The following ADAMTS20 variants were observed in gnomAD, a reference collection of about 807,000 sequenced individuals.
ADAMTS20 encodes ADAM metallopeptidase with thrombospondin type 1 motif 20.
In ADAMTS20, 225 loss-of-function variants were observed where a neutral mutation model predicts 260.1. The observed-to-expected ratio is 0.87, with a 90% confidence interval of 0.78 to 0.97. ADAMTS20 has a LOEUF of 0.97. Among genes scored for constraint, ADAMTS20 ranks in the 50% least tolerant of loss-of-function variants. The pLI is 0.00. For missense variants in ADAMTS20, 2,400 were observed against 2,337.7 expected (o/e 1.03, Z -0.55); for synonymous variants, 802 against 769.5 (o/e 1.04, Z -0.70).
chr12:43,407,254 T>C (rs1940936422), intron 28 of ADAMTS20, among the ~76,000 whole-genome samples: 1 of 151,882 alleles, frequency 6.6e-6, no homozygotes, highest in Non-Finnish European at 1.5e-5. Flanking sequence ...TATTTGACTC[T>C]CAACTTAAAG....
chr12:43,532,564 T>TTTTTTA lies in ADAMTS20; in HGVS notation c.454-370_454-369insTAAAAA, dbSNP rs1943239694. 2.0e-5 allele frequency among the ~76,000 whole-genome samples: 3 copies of TTTTTTA among 148,976 alleles called. No homozygotes were observed. In the South Asian group the frequency reaches 6.5e-4, roughly 32 times the overall value. Reference sequence around the variant, plus strand: ...ACTTTTTTTTTTTAATGTTTTTTTTTTTATTATACTCTAAGTTTTAGGGTA... The same window carrying TTTTTTA: ...ACTTTTTTTTTTTAATGTTTTTTTTTTTTTTATTATTATACTCTAAGTTTTAGGGTA... On this transcript the variant is annotated intron_variant, in intron 2 of 38. Transcript: ENST00000389420.
In ADAMTS20 at chr12:43,551,243, TAGG is replaced by T; in HGVS notation, c.116_118del (p.Ser39del). 6.2e-7 allele frequency: 1 copy of T among 1,613,630 alleles called. No homozygotes were observed. The highest frequency in any genetic ancestry group is 8.5e-7 in the Non-Finnish European group (1 of 1,179,784). Reference sequence around the variant, plus strand: ...GACCCGCTCGGGGATCACTACTTCGTAGGAGGTCAGTGTCCTCACCAGGGCTTC... The same window carrying T: ...GACCCGCTCGGGGATCACTACTTCGTAGGTCAGTGTCCTCACCAGGGCTTC... On this transcript the variant is annotated inframe_deletion, in exon 2 of 39. Transcript: ENST00000389420. The surrounding 1 kb of genome is among the most constrained non-coding windows in gnomAD (Gnocchi z 4.6).
intron 15 of ADAMTS20, among the ~76,000 whole-genome samples, chr12:43,445,046 TTTTACTATTTATATC>T (rs1365082586): frequency 2.0e-5 from 3 of 152,194 alleles, no homozygotes; most frequent in Admixed American, 2.0e-4. Context: ...TACCCACTAC[TTTTACTATTTATATC>T]TTTACTATTT....
At chr12:43,523,266 A>G (rs1004455922) in intron 3 of ADAMTS20, among the ~76,000 whole-genome samples, 1 of 152,164 alleles carries the variant, frequency 6.6e-6, no homozygotes, top group East Asian at 1.9e-4. Context: ...TAGGAGAGGG[A>G]GTGGTAAGAG....
chr12:43,421,282 C>A (rs74080906), intron 28 of ADAMTS20, among the ~76,000 whole-genome samples: 2,257 of 118,182 alleles, frequency 0.019, 60 homozygotes, highest in African/African-American at 0.048. Flanking sequence ...CTTTCATTTA[C>A]AAAAAAAAAA....
intron 3 of ADAMTS20, among the ~76,000 whole-genome samples, chr12:43,522,362 G>A (rs893981867): frequency 1.3e-5 from 2 of 152,202 alleles, no homozygotes; most frequent in Non-Finnish European, 2.9e-5. Context: ...TAGGGATTAT[G>A]GGGATTACAG....
At chr12:43,414,662 A>G (rs533992056) in intron 28 of ADAMTS20, among the ~76,000 whole-genome samples, 2 of 152,228 alleles carry the variant, frequency 1.3e-5, no homozygotes, top group East Asian at 3.9e-4. Flanking sequence ...AGAATTGCTA[A>G]AATTTAAGAG....
intron 7 of ADAMTS20, among the ~76,000 whole-genome samples, chr12:43,474,246 G>A (rs1942313358): frequency 7.3e-6 from 1 of 136,796 alleles, no homozygotes; most frequent in African/African-American, 2.7e-5. Flanking sequence ...TAGAAGAAAT[G>A]GATACATTCC....
At chr12:43,491,043 A>G (rs564171862) in intron 6 of ADAMTS20, among the ~76,000 whole-genome samples, 1 of 152,240 alleles carries the variant, frequency 6.6e-6, no homozygotes, top group South Asian at 2.1e-4. Flanking sequence ...ATTCTACTTT[A>G]GTTTTGAAAA....
intron 28 of ADAMTS20, among the ~76,000 whole-genome samples, chr12:43,404,038 C>T: frequency 6.6e-6 from 1 of 151,972 alleles, no homozygotes. Flanking sequence ...GTCTGATGTC[C>T]AATTTAGACC....
chr12:43,520,389 C>T (rs1032802218), intron 3 of ADAMTS20, among the ~76,000 whole-genome samples: 1 of 151,952 alleles, frequency 6.6e-6, no homozygotes, highest in African/African-American at 2.4e-5. Flanking sequence ...AGGAAGAGCA[C>T]TTTAAAAAAT....
chr12:43,496,307 G>A (rs7964455), intron 4 of ADAMTS20, among the ~76,000 whole-genome samples: 3,668 of 152,260 alleles, frequency 0.024, 69 homozygotes, highest in East Asian at 0.08. Context: ...GTAAGATACA[G>A]AGAAGTTAAC....
chr12:43,530,785 G>T (rs138004958), intron 3 of ADAMTS20, among the ~76,000 whole-genome samples: 47 of 151,936 alleles, frequency 3.1e-4, no homozygotes, highest in African/African-American at 1.1e-3. Flanking sequence ...TATACAATAT[G>T]TAAGTATTTT....
Position 43,388,222 on chromosome 12 carries a change from G to A in ADAMTS20, c.4453-4245C>T, listed in dbSNP as rs544734046. Among the ~76,000 whole-genome samples, 4 of 152,278 alleles carry A rather than the reference G, an allele frequency of 2.6e-5. No homozygotes were observed. The South Asian group carries it at 8.3e-4, about 32-fold the overall frequency. ...ACCAGGGGAAAAGCATAGTATCCGGGCCAGATAGGACCGTCCCTCAAGGCA... is the reference window on the plus strand; with the variant it reads ...ACCAGGGGAAAAGCATAGTATCCGGACCAGATAGGACCGTCCCTCAAGGCA... On this transcript the variant is annotated intron_variant, in intron 29 of 38. Transcript: ENST00000389420.
intron 28 of ADAMTS20, among the ~76,000 whole-genome samples, chr12:43,411,475 C>T (rs1266450379): frequency 6.6e-6 from 1 of 152,130 alleles, no homozygotes; most frequent in African/African-American, 2.4e-5. Context: ...TCAAGCGATT[C>T]TCCTGCCTCA....
In ADAMTS20 at chr12:43,428,793, CG is replaced by C; in HGVS notation, c.3495del (p.Val1166TyrfsTer12). On this transcript the variant is annotated frameshift_variant, in exon 25 of 39. Coordinates refer to ENST00000389420, the MANE Select transcript of ADAMTS20 (RefSeq NM_025003.5). LOFTEE classifies it high-confidence loss of function. ...QWRHGSWTPC[S>X]VSCGRGTQAR... ...GCTTGAGTACCTCTTCCACAAGATACGGAGCACTTTTTAAGAAATCAAATTG... is the reference window on the plus strand; with the variant it reads ...GCTTGAGTACCTCTTCCACAAGATACGAGCACTTTTTAAGAAATCAAATTG... 1 of 1,602,284 alleles carries C rather than the reference CG, an allele frequency of 6.2e-7. No individual in the cohort carries two copies. Among genetic ancestry groups the C allele is most frequent in the Non-Finnish European group, 8.5e-7 (1 of 1,172,860 alleles).
intron 3 of ADAMTS20, among the ~76,000 whole-genome samples, chr12:43,516,528 ATTT>A (rs927775259): frequency 6.6e-6 from 1 of 152,226 alleles, no homozygotes; most frequent in African/African-American, 2.4e-5. Context: ...GTGATCTACT[ATTT>A]TAGATAGAAA....
intron 36 of ADAMTS20, among the ~76,000 whole-genome samples, chr12:43,372,443 A>G (rs1042925584): frequency 6.6e-5 from 10 of 152,168 alleles, no homozygotes; most frequent in Non-Finnish European, 1.5e-4. Context: ...CCTGGAAGTG[A>G]CATGAATAAG....
chr12:43,510,622 A>G lies in ADAMTS20; in HGVS notation c.614-8217T>C, dbSNP rs186697972. ...AGGTCCCATTGAGTCAAATGTTAAA[A>G]TACTGTGTTGTCTTTTATTAATAAC... On this transcript the variant is annotated intron_variant, in intron 3 of 38. Coordinates refer to ENST00000389420, the MANE Select transcript of ADAMTS20 (RefSeq NM_025003.5). Among the ~76,000 whole-genome samples the G allele has an allele frequency of 1.5e-3, 229 of 152,192 alleles. 1 individual carries two copies. The highest frequency in any genetic ancestry group is 4.6e-3 in the Admixed American group (70 of 15,268).
Sources: allele counts gnomAD v4.1 joint callset (sites outside exome capture counted in the v4.1 genomes callset), GRCh38; gene constraint gnomAD v4.1.1; non-coding constraint Gnocchi (gnomAD v3.1); transcripts MANE v1.5; gene names NCBI Gene and HGNC (gene_info 2026-07-23, HGNC 2026-07-21).